ADGRD2: variants seen among roughly 807,000 people sequenced by gnomAD.
The protein encoded by ADGRD2 is adhesion G protein-coupled receptor D2, also known as G protein-coupled receptor PGR24.
In ADGRD2, 71 loss-of-function variants were observed where a neutral mutation model predicts 44.4. The observed-to-expected ratio is 1.60, with a 90% CI of 1.32 to 1.95. The LOEUF is 1.95. ADGRD2 is among the 30% of genes most tolerant of loss of function. The probability of loss-of-function intolerance (pLI) is 0.00; values close to 1 mark genes in which losing one functional copy is unlikely to be tolerated. For synonymous variants in ADGRD2, 481 were observed against 224.8 expected (o/e 2.14, Z -10.19); for missense variants, 1,039 against 512.4 (o/e 2.03, Z -9.92).
intron 13 of ADGRD2, 98 bp downstream of exon 16, chr9:124,468,288 G>A: frequency 1.4e-6 from 1 of 704,072 alleles, no homozygotes; most frequent in Non-Finnish European, 2.6e-6. Context: ...ATTTTCACAT[G>A]GCTCCACTTC....
At chr9:124,466,597 C>A in intron 11 of ADGRD2, 184 bp downstream of exon 14, 1 of 426,164 alleles carries the variant, frequency 2.3e-6, no homozygotes. Flanking sequence ...ATCACTTGAG[C>A]CCAGGAGTTC....
At chr9:124,467,193 C>T (rs563071834) in intron 11 of ADGRD2, 90 of 153,888 alleles carry the variant, frequency 5.8e-4, no homozygotes, top group Admixed American at 9.6e-4. Context: ...ATTAGCCGGG[C>T]ATGGTGGCCC....
At chr9:124,466,533 G>A in intron 11 of ADGRD2, 120 bp downstream of exon 14, 1 of 558,552 alleles carries the variant, frequency 1.8e-6, no homozygotes, top group Non-Finnish European at 3.3e-6. Context: ...GATTGTCGGG[G>A]ACAGGGCTGC....
At chr9:124,453,631 A>G (rs2131225867) in exon 3 of ADGRD2, 1 of 700,742 alleles carries the variant, frequency 1.4e-6, no homozygotes, top group South Asian at 1.5e-5. Context: ...CCTGGACGTC[A>G]CGCCCTCGCT....
chr9:124,453,682 A>ACCCCCC lies in ADGRD2; in HGVS notation c.923+9_923+10insCCCCCC. 1.4e-6 allele frequency: 1 copy of ACCCCCC among 690,458 alleles called. No homozygotes were observed. 42.8% of individuals were successfully genotyped at this position (690,458 alleles called of 1,614,324 possible). ...GGTGCGCCTTCTCTGTCCCGGTACG[A>ACCCCCC]CCCGCCCCGCCCCGGCCCCACCCCA... On this transcript the variant is annotated splice_region_variant and intron_variant, in intron 3 of 21. Transcript: ENST00000334810.
intron 10 of ADGRD2, chr9:124,465,355 CT>C (rs57080759): frequency 5.9e-4 from 84 of 142,752 alleles, no homozygotes; most frequent in Non-Finnish European, 6.4e-4. Flanking sequence ...TTTCCAGGTT[CT>C]TTTTTTTTTT....
Position 124,459,308 on chromosome 9 carries a change from A to G in ADGRD2, c.1870+587A>G, listed in dbSNP as rs532602047. 5.5e-4 allele frequency among the ~76,000 whole-genome samples: 84 copies of G among 152,286 alleles called. 1 individual carries two copies. In the South Asian group the frequency reaches 0.015, roughly 28 times the overall value. On this transcript the variant is annotated intron_variant, in intron 10 of 21. Transcript: ENST00000334810. ...GGAGTTCGAAACCAGCCTGGTCAAC[A>G]TGGTGAAACCCCATCTCTACTAAAA... is the stretch of plus-strand genomic sequence containing the variant.
chr9:124,476,529 G>A (rs976211089), intron 20 of ADGRD2, 114 bp downstream of exon 23: 11 of 637,622 alleles, frequency 1.7e-5, no homozygotes, highest in Non-Finnish European at 3.1e-5. Context: ...GGCTTCCCGG[G>A]GATCTGTTTC....
At chr9:124,459,298 C>T (rs1054310786) in intron 10 of ADGRD2, among the ~76,000 whole-genome samples, 3 of 152,118 alleles carry the variant, frequency 2.0e-5, no homozygotes, top group Non-Finnish European at 2.9e-5. Context: ...TCGAAACCAG[C>T]CTGGTCAACA....
chr9:124,465,476 C>G (rs1358052403), intron 10 of ADGRD2: 1 of 151,996 alleles, frequency 6.6e-6, no homozygotes, highest in Non-Finnish European at 1.5e-5. Flanking sequence ...CTCAGCCTCC[C>G]GAGTAGCTGA....
Position 124,474,093 on chromosome 9 carries a change from T to C in ADGRD2, c.2759-1353T>C, listed in dbSNP as rs184294564. On this transcript the variant is annotated intron_variant, in intron 17 of 21. Coordinates refer to ENST00000334810, the Ensembl canonical transcript of ADGRD2. ...GAGTTCGAGACCAGCCTGACCAATATGGTGAAACCCTGTCTCTACTAAATA... is the reference window on the plus strand; with the variant it reads ...GAGTTCGAGACCAGCCTGACCAATACGGTGAAACCCTGTCTCTACTAAATA... Among the ~76,000 whole-genome samples the C allele has an allele frequency of 5.9e-4, 89 of 152,106 alleles. No individual in the cohort carries two copies. The East Asian group carries it at 0.016, about 27-fold the overall frequency.
In ADGRD2 at chr9:124,470,490, A is replaced by G. The variant is rs1831926648; in HGVS notation, c.2638-4A>G. The G allele has an allele frequency of 1.4e-6, 1 of 709,146 alleles. No homozygotes were observed. Among genetic ancestry groups the G allele is most frequent in the Non-Finnish European group, 2.6e-6 (1 of 384,140 alleles). The allele number at this position is 709,146 out of a possible 1,614,324, so 43.9% of individuals were successfully genotyped here. ...CCCCGTCAGCCCTGCCTGCCCTCCTACAGGGCCACGGTGAAGCCCGTGCTG... is the reference window on the plus strand; with the variant it reads ...CCCCGTCAGCCCTGCCTGCCCTCCTGCAGGGCCACGGTGAAGCCCGTGCTG... On this transcript the variant is annotated splice_polypyrimidine_tract_variant and splice_region_variant and intron_variant, in intron 16 of 21. Coordinates refer to ENST00000334810, the Ensembl canonical transcript of ADGRD2.
intron 20 of ADGRD2, 86 bp from the exon 24 acceptor site, chr9:124,476,593 C>A: frequency 1.5e-6 from 1 of 645,428 alleles, no homozygotes; most frequent in South Asian, 1.7e-5. Context: ...GGCAAGCTGG[C>A]AGAGGCCCCT....
chr9:124,478,195 G>C (rs1292481967), intron 21 of ADGRD2, 86 bp from the exon 25 acceptor site: 2 of 152,482 alleles, frequency 1.3e-5, no homozygotes, highest in Non-Finnish European at 2.9e-5. Context: ...GTCTCCCCAA[G>C]CCTCAGTTCC....
At chr9:124,453,972 C>T (rs1383594643) in intron 3 of ADGRD2, 27 bp from the exon 7 acceptor site, 4 of 646,980 alleles carry the variant, frequency 6.2e-6, no homozygotes, top group Admixed American at 2.7e-5. Context: ...CCCTAGGGAG[C>T]CCTGACAGCT....
Position 124,467,732 on chromosome 9 carries a change from G to A in ADGRD2, c.2040G>A (p.Glu680=), listed in dbSNP as rs1345738750. The A allele has an allele frequency of 4.2e-6, 3 of 718,550 alleles. No homozygotes were observed. The South Asian group carries it at 4.4e-5, about 11-fold the overall frequency. The allele number at this position is 718,550 out of a possible 1,614,324, so 44.5% of individuals were successfully genotyped here. ...GTCCCTCCACACAGAGAGGCCCTGA[G>A]GAGGAGTCGCTGCTGAGGACTCTGT... The change falls in exon 12 of 22, where the codon GAG becomes GAA. Residue 680 remains glutamate (E), a synonymous_variant. Coordinates refer to ENST00000334810, the Ensembl canonical transcript of ADGRD2.
intron 10 of ADGRD2, among the ~76,000 whole-genome samples, chr9:124,459,309 T>A (rs1831680827): frequency 1.3e-5 from 2 of 152,100 alleles, no homozygotes; most frequent in South Asian, 4.1e-4. Context: ...CTGGTCAACA[T>A]GGTGAAACCC....
chr9:124,459,820 T>A (rs1032586562), intron 10 of ADGRD2, among the ~76,000 whole-genome samples: 8 of 151,740 alleles, frequency 5.3e-5, no homozygotes, highest in South Asian at 4.2e-4. Context: ...CCATTTTATA[T>A]AAAAAACTTG....
intron 10 of ADGRD2, among the ~76,000 whole-genome samples, chr9:124,460,314 T>C (rs1831704436): frequency 6.6e-6 from 1 of 151,380 alleles, no homozygotes; most frequent in Admixed American, 6.6e-5. Context: ...GCCATTCTCC[T>C]GCCTCAGCCT....
Sources: gnomAD v4.1 joint callset for allele counts (sites outside exome capture counted in the v4.1 genomes callset) on GRCh38, gnomAD v4.1.1 for gene constraint, MANE v1.5 for transcripts, NCBI Gene and HGNC (gene_info 2026-07-23, HGNC 2026-07-21) for gene names.